PDCL2: variants seen among roughly 807,000 people sequenced by gnomAD.
PDCL2 encodes phosducin like 2.
A neutral mutation model predicts 30.3 loss-of-function variants in PDCL2; 23 were observed. The ratio of observed to expected loss-of-function variants is 0.76; its 90% CI spans 0.55 to 1.08. PDCL2 has a LOEUF of 1.08. PDCL2 is among the 50% of genes least tolerant of loss of function. The pLI, the probability that PDCL2 is intolerant of heterozygous loss-of-function variation, is 0.00. For synonymous variants in PDCL2, 68 were observed against 86.2 expected (o/e 0.79, Z 1.17); for missense variants, 243 against 282.3 (o/e 0.86, Z 1.00).
chr4:55,571,086 G>A (rs1283326132), intron 3 of PDCL2, among the ~76,000 whole-genome samples: 1 of 152,070 alleles, frequency 6.6e-6, no homozygotes, highest in Non-Finnish European at 1.5e-5. Flanking sequence ...TCCAGGGCCA[G>A]GTACCAAACA....
intron 5 of PDCL2, 121 bp from the exon 6 acceptor site, chr4:55,556,832 T>C (rs915236561): frequency 2.2e-6 from 2 of 896,484 alleles, no homozygotes; most frequent in East Asian, 3.3e-5. Flanking sequence ...TATTTATTTA[T>C]AGGTTTTTTT....
chr4:55,587,269 C>T (rs1243020577), intron 1 of PDCL2, among the ~76,000 whole-genome samples: 1 of 144,396 alleles, frequency 6.9e-6, no homozygotes, highest in Non-Finnish European at 1.5e-5. Flanking sequence ...CTGTAGCAAG[C>T]CCTTTTATAA....
chr4:55,581,441 T>A (rs113822433), intron 2 of PDCL2, among the ~76,000 whole-genome samples: 2,483 of 152,242 alleles, frequency 0.016, 32 homozygotes, highest in Non-Finnish European at 0.025. Context: ...AAACTAGGTA[T>A]GAAAATCAAT....
chr4:55,560,327 G>A (rs1732101081), intron 5 of PDCL2, among the ~76,000 whole-genome samples: 1 of 152,156 alleles, frequency 6.6e-6, no homozygotes, highest in South Asian at 2.1e-4. Flanking sequence ...TAAGCAAACA[G>A]GCCAGGCTTG....
intron 5 of PDCL2, among the ~76,000 whole-genome samples, chr4:55,561,366 A>G (rs1262673526): frequency 1.3e-5 from 2 of 152,140 alleles, no homozygotes; most frequent in African/African-American, 4.8e-5. Flanking sequence ...GTTCAAGACC[A>G]GCCTGGCCAA....
chr4:55,579,861 T>C (rs1732666928), intron 3 of PDCL2, among the ~76,000 whole-genome samples: 1 of 150,924 alleles, frequency 6.6e-6, no homozygotes, highest in Non-Finnish European at 1.5e-5. Context: ...TGTTTTTTTT[T>C]TCGAGGTGGA....
intron 4 of PDCL2, among the ~76,000 whole-genome samples, chr4:55,567,977 T>C (rs994845723): frequency 6.6e-6 from 1 of 152,226 alleles, no homozygotes; most frequent in African/African-American, 2.4e-5. Context: ...GTTTTAGTTA[T>C]AATAAAATAA....
At chr4:55,580,539 T>TA (rs1732681865) in intron 3 of PDCL2, among the ~76,000 whole-genome samples, 2 of 152,216 alleles carry the variant, frequency 1.3e-5, no homozygotes, top group Admixed American at 6.5e-5. Context: ...GCCATCTTTT[T>TA]ATTGGCCTCT....
chr4:55,579,367 T>C (rs1732647871), intron 3 of PDCL2, among the ~76,000 whole-genome samples: 1 of 152,230 alleles, frequency 6.6e-6, no homozygotes, highest in Non-Finnish European at 1.5e-5. Flanking sequence ...TTCACTCTTG[T>C]TGCCCAGGCT....
chr4:55,566,835 C>G (rs1378434433), intron 4 of PDCL2, among the ~76,000 whole-genome samples: 2 of 152,164 alleles, frequency 1.3e-5, no homozygotes, highest in African/African-American at 4.8e-5. Context: ...GAAACCACAT[C>G]CTTCTTTTTG....
chr4:55,582,063 A>G, intron 2 of PDCL2, 54 bp downstream of exon 2: 1 of 1,595,598 alleles, frequency 6.3e-7, no homozygotes, highest in Non-Finnish European at 8.5e-7. Flanking sequence ...ATACCTTAGT[A>G]CTAACTTAAC....
intron 5 of PDCL2, among the ~76,000 whole-genome samples, chr4:55,557,517 T>C (rs1483046990): frequency 6.6e-6 from 1 of 152,172 alleles, no homozygotes; most frequent in Non-Finnish European, 1.5e-5. Context: ...AATCCATTCA[T>C]GAGGGCAGAG....
At chr4:55,586,937 G>A (rs1279563909) in intron 1 of PDCL2, among the ~76,000 whole-genome samples, 2 of 150,278 alleles carry the variant, frequency 1.3e-5, no homozygotes, top group Non-Finnish European at 2.9e-5. Flanking sequence ...ATCTTTTCAT[G>A]TGTTTATTGG....
At chr4:55,585,081 G>A (rs554158933) in intron 1 of PDCL2, among the ~76,000 whole-genome samples, 1 of 152,106 alleles carries the variant, frequency 6.6e-6, no homozygotes, top group Non-Finnish European at 1.5e-5. Context: ...CTTAATTGTG[G>A]TACATTATTC....
intron 4 of PDCL2, among the ~76,000 whole-genome samples, chr4:55,567,831 TTA>T (rs1342832499): frequency 6.6e-6 from 1 of 152,192 alleles, no homozygotes; most frequent in Non-Finnish European, 1.5e-5. Context: ...GTACTTGGGT[TTA>T]GTCTTCTGGG....
Position 55,576,041 on chromosome 4 carries a change from T to A in PDCL2, c.218+4780A>T, listed in dbSNP as rs560452039. Among the ~76,000 whole-genome samples, 3 of 152,206 alleles carry A rather than the reference T, an allele frequency of 2.0e-5. No homozygotes were observed. The South Asian group carries it at 6.2e-4, about 32-fold the overall frequency. On this transcript the variant is annotated intron_variant, in intron 3 of 5. Transcript: ENST00000295645. The stretch of plus-strand genomic sequence containing the variant: ...ACATAGGGAAATATAATAGCCAGTA[T>A]TACCATTTGGCTTTTACATAGGAAA...
At chr4:55,586,480 G>T (rs1487935918) in intron 1 of PDCL2, among the ~76,000 whole-genome samples, 6 of 152,120 alleles carry the variant, frequency 3.9e-5, no homozygotes, top group South Asian at 2.1e-4. Context: ...TGTTTTCAAG[G>T]TTCGACTATG....
At chr4:55,585,417 A>AAT in intron 1 of PDCL2, among the ~76,000 whole-genome samples, 1 of 152,008 alleles carries the variant, frequency 6.6e-6, no homozygotes, top group Admixed American at 6.6e-5. Context: ...AATCCCAGCT[A>AAT]CTCGGGAGAC....
intron 5 of PDCL2, among the ~76,000 whole-genome samples, chr4:55,561,312 A>C (rs28491470): frequency 0.012 from 1,778 of 152,286 alleles, 32 homozygotes; most frequent in African/African-American, 0.041. Flanking sequence ...CCGTAATCCC[A>C]TCACTTTTGG....
Sources: gnomAD v4.1 joint callset for allele counts (sites outside exome capture counted in the v4.1 genomes callset) on GRCh38, gnomAD v4.1.1 for gene constraint, MANE v1.5 for transcripts, NCBI Gene and HGNC (gene_info 2026-07-23, HGNC 2026-07-21) for gene names.